The following WIPF2 variants were observed in gnomAD, a reference collection of about 807,000 sequenced individuals.
The protein encoded by WIPF2 is WAS/WASL interacting protein family member 2, also known as WAS/WASL-interacting protein family member 2.
Under a neutral mutation model 38.8 loss-of-function variants are expected in WIPF2, and 23 were observed. The observed-to-expected ratio is 0.59, with a 90% CI of 0.43 to 0.84. The LOEUF (loss-of-function observed/expected upper bound fraction) is 0.84. Ranked by LOEUF, WIPF2 falls within the 40% of genes least tolerant of loss-of-function variation. The pLI is 0.00. For synonymous variants in WIPF2, 210 were observed against 223.2 expected (o/e 0.94, Z 0.53); for missense variants, 574 against 580.5 (o/e 0.99, Z 0.11).
chr17:40,238,367 G>A (rs552117710), intron 1 of WIPF2, among the ~76,000 whole-genome samples: 54 of 151,826 alleles, frequency 3.6e-4, no homozygotes, highest in African/African-American at 1.0e-3. Context: ...ACAATGGCAC[G>A]ATCTTGGCTC....
At chr17:40,240,714 G>T (rs2031159356) in intron 1 of WIPF2, among the ~76,000 whole-genome samples, 2 of 151,874 alleles carry the variant, frequency 1.3e-5, no homozygotes, top group South Asian at 4.1e-4. Context: ...GGAGGCTGAG[G>T]CAGGCAGATC....
rs1298013115 is a variant in WIPF2 at position 40,246,090 on chromosome 17, A to G, written c.-69-10301A>G. Among the ~76,000 whole-genome samples the G allele has an allele frequency of 2.2e-5, 3 of 133,738 alleles. No individual in the cohort carries two copies. In the South Asian group the frequency reaches 7.1e-4, roughly 32 times the overall value. The allele number at this position is 133,738 out of a possible 152,430, so 87.7% of individuals were successfully genotyped here. ...CTTGCTTGCTCTTTTAGACAATGCTACTCTTTTTTTTTTTTTTTTCCTGAG... is the reference window on the plus strand; with the variant it reads ...CTTGCTTGCTCTTTTAGACAATGCTGCTCTTTTTTTTTTTTTTTTCCTGAG... On this transcript the variant is annotated intron_variant, in intron 1 of 7. Coordinates refer to ENST00000323571, the MANE Select transcript of WIPF2 (RefSeq NM_133264.5).
chr17:40,276,520 CAAAAAAAA>C (rs1160459322), intron 6 of WIPF2, among the ~76,000 whole-genome samples: 1 of 71,626 alleles, frequency 1.4e-5, no homozygotes, highest in Non-Finnish European at 2.4e-5. Flanking sequence ...GACTCCGTCT[CAAAAAAAA>C]AAAAAAAAAA....
At chr17:40,220,589 A>ATATATATATATATATATATATATG (rs2030154837) in intron 1 of WIPF2, 2 of 71,676 alleles carry the variant, frequency 2.8e-5, no homozygotes, top group Middle Eastern at 5.7e-3. Flanking sequence ...ATATATATAT[A>ATATATATATATATATATATATATG]TATATATATA....
intron 1 of WIPF2, among the ~76,000 whole-genome samples, chr17:40,223,434 C>T (rs1315287518): frequency 6.6e-6 from 1 of 151,586 alleles, no homozygotes; most frequent in Non-Finnish European, 1.5e-5. Context: ...GTGATAGCAC[C>T]AAGGTGAAAT....
At chr17:40,276,998 A>G in intron 6 of WIPF2, 85 bp from the exon 7 acceptor site, 2 of 1,157,400 alleles carry the variant, frequency 1.7e-6, no homozygotes, top group Non-Finnish European at 2.5e-6. Context: ...CTGAGAGATT[A>G]GTAAGTGGGG....
At chr17:40,226,791 G>T (rs1178527285) in intron 1 of WIPF2, among the ~76,000 whole-genome samples, 1 of 151,942 alleles carries the variant, frequency 6.6e-6, no homozygotes, top group Non-Finnish European at 1.5e-5. Flanking sequence ...GCCCAGGCTG[G>T]AGTGCAATGG....
intron 1 of WIPF2, among the ~76,000 whole-genome samples, chr17:40,231,741 A>G (rs1174757236): frequency 2.6e-5 from 4 of 151,244 alleles, no homozygotes; most frequent in African/African-American, 7.3e-5. Context: ...ACTTTTATAT[A>G]TGGAGCGTGC....
intron 1 of WIPF2, among the ~76,000 whole-genome samples, chr17:40,244,670 T>C (rs1235575879): frequency 6.6e-6 from 1 of 152,202 alleles, no homozygotes; most frequent in Non-Finnish European, 1.5e-5. Context: ...GGACTACTTT[T>C]GGATTTGGAG....
chr17:40,229,569 C>T, intron 1 of WIPF2, among the ~76,000 whole-genome samples: 1 of 152,058 alleles, frequency 6.6e-6, no homozygotes, highest in East Asian at 1.9e-4. Context: ...ACAGGTGCAC[C>T]ACCATGTCTG....
intron 1 of WIPF2, among the ~76,000 whole-genome samples, chr17:40,254,079 C>T (rs141810431): frequency 0.015 from 2,278 of 149,490 alleles, 30 homozygotes; most frequent in Non-Finnish European, 0.023. Flanking sequence ...TGCAGTGGTG[C>T]GTTCTGGGCT....
chr17:40,227,146 A>G (rs2030528633), intron 1 of WIPF2, among the ~76,000 whole-genome samples: 1 of 151,834 alleles, frequency 6.6e-6, no homozygotes, highest in Non-Finnish European at 1.5e-5. Flanking sequence ...GGCTCAAGCA[A>G]TCTCCTGCCT....
rs761403770 is a variant in WIPF2, at chr17:40,264,679, C to G, written c.503C>G (p.Thr168Arg). Residue 168 changes from threonine (T) to arginine (R), a missense_variant, in exon 5 of 8, where the codon ACG becomes AGG. Physicochemically the swap from Thr to Arg is moderately conservative, Grantham distance 71 (BLOSUM62 -1). Coordinates refer to ENST00000323571, the MANE Select transcript of WIPF2 (RefSeq NM_133264.5). ...TCTCGGCCTAATACCACCAGCAGTACGGGCATGAAGCACAGCTCCTCTGCC... is the reference window on the plus strand; with the variant it reads ...TCTCGGCCTAATACCACCAGCAGTAGGGGCATGAAGCACAGCTCCTCTGCC... ...DLSRPNTTSS[T>R]GMKHSSSAPP... is the part of the protein sequence containing the mutation. 9 of 1,613,374 alleles carry G rather than the reference C, an allele frequency of 5.6e-6. No homozygotes were observed. Among genetic ancestry groups the G allele is most frequent in the Non-Finnish European group, 6.8e-6 (8 of 1,179,664 alleles).
chr17:40,247,218 T>TC (rs1283227819), intron 1 of WIPF2, among the ~76,000 whole-genome samples: 2 of 133,740 alleles, frequency 1.5e-5, no homozygotes, highest in Admixed American at 1.5e-4. Flanking sequence ...TTTTTTTTTT[T>TC]TTTTTTTTTT....
Position 40,260,554 on chromosome 17 carries a change from A to G in WIPF2, c.83A>G (p.Lys28Arg), listed in dbSNP as rs1298292019. 2 of 1,613,890 alleles carry G rather than the reference A, an allele frequency of 1.2e-6. No homozygotes were observed. Among genetic ancestry groups the G allele is most frequent in the East Asian group, 2.2e-5 (1 of 44,846 alleles). ...TFHQANTEQP[K>R]LSRDEQRGRG... Reference sequence around the variant, plus strand: ...CTCCAGGCAAACACAGAGCAGCCCAAGCTGAGTAGAGATGAGCAGCGGGGT... The same window carrying G: ...CTCCAGGCAAACACAGAGCAGCCCAGGCTGAGTAGAGATGAGCAGCGGGGT... Residue 28 changes from lysine to arginine, a missense_variant, in exon 3 of 8, where the codon AAG (lysine) becomes AGG (arginine). By Grantham distance (26) the Lys-to-Arg change is conservative. Transcript: ENST00000323571.
At chr17:40,227,582 G>A (rs117447160) in intron 1 of WIPF2, among the ~76,000 whole-genome samples, 27,290 of 151,886 alleles carry the variant, frequency 0.18, 3,048 homozygotes, top group East Asian at 0.27. Flanking sequence ...GCTGGTTGCG[G>A]TGGCTCACAC....
intron 1 of WIPF2, among the ~76,000 whole-genome samples, chr17:40,222,654 G>GTTTTT (rs58758484): frequency 2.1e-4 from 11 of 52,862 alleles, no homozygotes; most frequent in East Asian, 8.0e-4. Context: ...TGCATATTCA[G>GTTTTT]TTTTTTTTTT....
rs769131211 is a variant in WIPF2 at position 40,256,466 on chromosome 17, A to G, written c.7A>G (p.Ile3Val). The change falls in exon 2 of 8, where the codon ATT (isoleucine) becomes GTT (valine). Residue 3 changes from isoleucine to valine, a missense_variant. Coordinates refer to ENST00000323571, the MANE Select transcript of WIPF2 (RefSeq NM_133264.5). MP[I>V]PPPPPPPPGP... Reference sequence around the variant, plus strand: ...AACTGGGAGCAGGGCAAGAATGCCAATTCCTCCTCCCCCGCCACCCCCACC... The same window carrying G: ...AACTGGGAGCAGGGCAAGAATGCCAGTTCCTCCTCCCCCGCCACCCCCACC... 5.6e-6 allele frequency: 9 copies of G among 1,608,966 alleles called. No individual in the cohort carries two copies. The highest frequency in any genetic ancestry group is 2.2e-5 in the South Asian group (2 of 90,076).
chr17:40,246,843 C>A (rs994835832), intron 1 of WIPF2, among the ~76,000 whole-genome samples: 1 of 151,934 alleles, frequency 6.6e-6, no homozygotes, highest in African/African-American at 2.4e-5. Flanking sequence ...CCGGGCGTGG[C>A]GACTCATGCC....
Sources: gnomAD v4.1 joint callset for allele counts (sites outside exome capture counted in the v4.1 genomes callset) on GRCh38, gnomAD v4.1.1 for gene constraint, MANE v1.5 for transcripts, NCBI Gene and HGNC (gene_info 2026-07-23, HGNC 2026-07-21) for gene names.